Variants in CCNY observed in about 807,000 individuals in gnomAD.
CCNY encodes the protein cyclin Y, also known as cyclin-Y.
A neutral mutation model predicts 42.8 loss-of-function variants in CCNY; 19 were observed. The observed-to-expected ratio is 0.44, with a 90% CI of 0.31 to 0.65. The LOEUF is 0.65. CCNY is among the 30% of genes least tolerant of loss of function. The pLI, the probability that CCNY is intolerant of heterozygous loss-of-function variation, is 0.07. For synonymous variants in CCNY, 165 were observed against 162.7 expected, an observed-to-expected ratio of 1.01 and a Z score of -0.11; for missense variants, 370 against 437.3, an observed-to-expected ratio of 0.85 and a Z score of 1.37.
chr10:35,249,011 G>C (rs762725688), intron 2 of CCNY, among the ~76,000 whole-genome samples: 1 of 152,112 alleles, frequency 6.6e-6, no homozygotes, highest in Non-Finnish European at 1.5e-5. Context: ...GCAGTGGCAT[G>C]ATCTAGGCTC....
intron 1 of CCNY, among the ~76,000 whole-genome samples, chr10:35,354,130 A>AAG (rs1742049852): frequency 6.6e-6 from 1 of 152,030 alleles, no homozygotes; most frequent in East Asian, 1.9e-4. Flanking sequence ...CAAGTGATCC[A>AAG]AGAGAGAGCA....
At chr10:35,377,871 G>A (rs1199786551) in intron 1 of CCNY, among the ~76,000 whole-genome samples, 1 of 152,192 alleles carries the variant, frequency 6.6e-6, no homozygotes, top group African/African-American at 2.4e-5. Context: ...GTTAGTAGGA[G>A]GCAGCAAGAA....
At chr10:35,540,800 G>A (rs1840983817) in intron 7 of CCNY, among the ~76,000 whole-genome samples, 1 of 151,998 alleles carries the variant, frequency 6.6e-6, no homozygotes, top group African/African-American at 2.4e-5. Context: ...CCAATTTGTT[G>A]TCATGCAGTT....
chr10:35,356,607 C>T (rs992970891), intron 1 of CCNY, among the ~76,000 whole-genome samples: 7 of 152,088 alleles, frequency 4.6e-5, no homozygotes, highest in African/African-American at 1.2e-4. Context: ...CACTCCTTAA[C>T]CTCTTCATGT....
intron 3 of CCNY, among the ~76,000 whole-genome samples, chr10:35,259,620 A>G (rs907022407): frequency 1.7e-4 from 24 of 143,842 alleles, no homozygotes; most frequent in Non-Finnish European, 7.5e-5. Flanking sequence ...CTCCTGCCTC[A>G]GCCTTCCAAG....
intron 2 of CCNY, among the ~76,000 whole-genome samples, chr10:35,500,566 G>T (rs1447552552): frequency 1.3e-5 from 2 of 152,160 alleles, no homozygotes; most frequent in African/African-American, 4.8e-5. Context: ...TAACATTGTT[G>T]ATTCCTGGGG....
At chr10:35,278,759 C>T (rs1339422437) in intron 3 of CCNY, among the ~76,000 whole-genome samples, 1 of 152,194 alleles carries the variant, frequency 6.6e-6, no homozygotes, top group Non-Finnish European at 1.5e-5. Flanking sequence ...CAAGGCAGTT[C>T]TCTGTGGTTG....
intron 3 of CCNY, among the ~76,000 whole-genome samples, chr10:35,259,071 G>A (rs961664653): frequency 6.6e-6 from 1 of 152,138 alleles, no homozygotes; most frequent in African/African-American, 2.4e-5. Flanking sequence ...TCATTCTGCT[G>A]AAAGCTGCAA....
At position 35,326,040 on chromosome 10, in the gene CCNY, C is replaced by T. The variant is rs115019892; in HGVS notation, c.-9+75414C>T. 6.0e-3 allele frequency among the ~76,000 whole-genome samples: 906 copies of T among 152,236 alleles called. 13 individuals are homozygous for T. The highest frequency in any genetic ancestry group is 0.021 in the African/African-American group (862 of 41,530). ...GCAGGGAGCCATGATTATGCCACTG[C>T]ACTTTAACCTAGGCAACAGGGCAAG... is the stretch of plus-strand genomic sequence containing the variant. On this transcript the variant is annotated intron_variant, in intron 3 of 11. Transcript: ENST00000374706.
chr10:35,426,926 T>C (rs958905137), intron 1 of CCNY, among the ~76,000 whole-genome samples: 1 of 152,244 alleles, frequency 6.6e-6, no homozygotes, highest in East Asian at 1.9e-4. Flanking sequence ...GATTGAATTA[T>C]AATGAGAAGA....
chr10:35,262,666 T>A (rs2095720937), intron 3 of CCNY, among the ~76,000 whole-genome samples: 1 of 152,090 alleles, frequency 6.6e-6, no homozygotes, highest in Non-Finnish European at 1.5e-5. Context: ...CTGGCCAGCA[T>A]GAGTCAATTA....
chr10:35,435,884 C>A (rs985086885), intron 1 of CCNY, among the ~76,000 whole-genome samples: 7 of 152,106 alleles, frequency 4.6e-5, no homozygotes, highest in African/African-American at 1.7e-4. Context: ...TTAAGTTCCT[C>A]CTCCTAATTA....
chr10:35,557,905 TTTATTC>T (rs1841391655), intron 8 of CCNY, among the ~76,000 whole-genome samples: 1 of 152,218 alleles, frequency 6.6e-6, no homozygotes, highest in Admixed American at 6.5e-5. Flanking sequence ...GAGCATCAGT[TTTATTC>T]CCCTTTCTCT....
At chr10:35,322,250 G>A (rs939057047) in intron 3 of CCNY, among the ~76,000 whole-genome samples, 1 of 151,906 alleles carries the variant, frequency 6.6e-6, no homozygotes, top group Admixed American at 6.6e-5. Flanking sequence ...CCAGCTACTT[G>A]GGAAGCTGAG....
chr10:35,475,662 T>C (rs369943120), intron 1 of CCNY, among the ~76,000 whole-genome samples: 5,510 of 140,940 alleles, frequency 0.039, 379 homozygotes, highest in African/African-American at 0.15. Flanking sequence ...AAGGAACAAC[T>C]GGTACCAGCC....
intron 3 of CCNY, among the ~76,000 whole-genome samples, chr10:35,307,411 T>A (rs893570481): frequency 6.6e-6 from 1 of 152,208 alleles, no homozygotes; most frequent in African/African-American, 2.4e-5. Context: ...GCATCTGAGC[T>A]ATCAGATAAT....
chr10:35,356,658 A>C (rs1309759669), intron 1 of CCNY, among the ~76,000 whole-genome samples: 1 of 152,106 alleles, frequency 6.6e-6, no homozygotes, highest in Non-Finnish European at 1.5e-5. Context: ...GTTTGGCAAT[A>C]ATGCTGCTAC....
intron 1 of CCNY, among the ~76,000 whole-genome samples, chr10:35,459,017 C>T (rs1466635724): frequency 6.6e-6 from 1 of 152,162 alleles, no homozygotes; most frequent in Non-Finnish European, 1.5e-5. Context: ...CTGAGGACCT[C>T]AAGGCTGAGC....
chr10:35,256,702 G>A (rs886605404), intron 3 of CCNY, among the ~76,000 whole-genome samples: 1 of 150,944 alleles, frequency 6.6e-6, no homozygotes, highest in Admixed American at 6.6e-5. Context: ...CTGAACTCCA[G>A]CCTGGGCGAC....
Sources: gnomAD v4.1 joint callset for allele counts (sites outside exome capture counted in the v4.1 genomes callset) on GRCh38, gnomAD v4.1.1 for gene constraint, MANE v1.5 for transcripts, NCBI Gene and HGNC (gene_info 2026-07-23, HGNC 2026-07-21) for gene names.